The following KCNIP4 variants were observed in gnomAD, a reference collection of about 807,000 sequenced individuals.
KCNIP4 encodes the protein potassium voltage-gated channel interacting protein 4, also known as Kv channel-interacting protein 4.
In KCNIP4, 12 loss-of-function variants were observed where a neutral mutation model predicts 34.0. The observed-to-expected ratio is 0.35, with a 90% CI of 0.23 to 0.57. The LOEUF is 0.57. KCNIP4 is among the 20% of genes least tolerant of loss of function. The probability of loss-of-function intolerance (pLI) is 0.83; values close to 1 mark genes in which losing one functional copy is unlikely to be tolerated. For missense variants in KCNIP4, 238 were observed against 311.7 expected (o/e 0.76, Z 1.78); for synonymous variants, 124 against 102.2 (o/e 1.21, Z -1.29).
chr4:21,287,059 C>T (rs979764874), intron 1 of KCNIP4, among the ~76,000 whole-genome samples: 1 of 152,040 alleles, frequency 6.6e-6, no homozygotes, highest in Non-Finnish European at 1.5e-5. Context: ...GACAATGTGT[C>T]CAAAATTTTA....
chr4:21,510,826 G>A (rs761003117), intron 1 of KCNIP4, among the ~76,000 whole-genome samples: 10 of 151,640 alleles, frequency 6.6e-5, no homozygotes, highest in East Asian at 3.9e-4. Context: ...AAACCAGCCC[G>A]GCCAACATGA....
At chr4:21,889,688 G>C (rs11722015) in intron 1 of KCNIP4, among the ~76,000 whole-genome samples, 64,631 of 151,946 alleles carry the variant, frequency 0.43, 15,852 homozygotes, top group East Asian at 0.62. Flanking sequence ...AGGTTTTCGA[G>C]TAGGAAAAAA....
intron 1 of KCNIP4, among the ~76,000 whole-genome samples, chr4:21,755,797 C>A (rs1275046412): frequency 2.0e-5 from 3 of 151,694 alleles, no homozygotes; most frequent in African/African-American, 7.3e-5. Context: ...ATATTGTTTT[C>A]AAAAAAAAGT....
intron 2 of KCNIP4, among the ~76,000 whole-genome samples, chr4:20,863,223 G>C (rs1722398515): frequency 6.6e-6 from 1 of 152,086 alleles, no homozygotes; most frequent in Non-Finnish European, 1.5e-5. Context: ...GTGAGTAGGG[G>C]CTCAGGAGGT....
At chr4:21,232,686 A>C (rs570172855) in intron 1 of KCNIP4, among the ~76,000 whole-genome samples, 11 of 152,326 alleles carry the variant, frequency 7.2e-5, no homozygotes, top group Non-Finnish European at 1.2e-4. Context: ...TTCACTCAGA[A>C]GCATTCTTAG....
At chr4:20,930,468 TCA>T (rs1201937987) in intron 1 of KCNIP4, among the ~76,000 whole-genome samples, 2 of 152,010 alleles carry the variant, frequency 1.3e-5, no homozygotes, top group Admixed American at 1.3e-4. Flanking sequence ...TTTTTGGATA[TCA>T]CACCAAAAGC....
chr4:21,190,355 T>C lies in KCNIP4; in HGVS notation c.62-307646A>G, dbSNP rs1253782477. Among the ~76,000 whole-genome samples the C allele has an allele frequency of 3.9e-5, 6 of 152,276 alleles. No homozygotes were observed. The East Asian group carries it at 5.8e-4, about 15-fold the overall frequency. On this transcript the variant is annotated intron_variant, in intron 1 of 8. Transcript: ENST00000382152. Reference sequence around the variant, plus strand: ...GTTGGTATTGGTTAGTATTCATTAGTATTGGTTCGTTGGTATTTGGTTCAG... The same window carrying C: ...GTTGGTATTGGTTAGTATTCATTAGCATTGGTTCGTTGGTATTTGGTTCAG...
chr4:21,098,540 T>C (rs905969705), intron 1 of KCNIP4, among the ~76,000 whole-genome samples: 3 of 152,126 alleles, frequency 2.0e-5, no homozygotes, highest in African/African-American at 7.2e-5. Flanking sequence ...CTGTTTCCCA[T>C]AGGTGCAACA....
At chr4:21,444,599 T>C (rs1158292030) in intron 1 of KCNIP4, among the ~76,000 whole-genome samples, 4 of 152,184 alleles carry the variant, frequency 2.6e-5, no homozygotes, top group Admixed American at 1.3e-4. Context: ...AAACTCTCAA[T>C]AAATTAGGTA....
At chr4:21,528,776 AAAGGAAGAAAGG>A (rs1736346285) in intron 1 of KCNIP4, among the ~76,000 whole-genome samples, 14 of 13,892 alleles carry the variant, frequency 1.0e-3, no homozygotes, top group African/African-American at 3.3e-3. Context: ...AGAAAGAAAG[AAAGGAAGAAAGG>A]AAGAAAGGAA....
chr4:21,065,337 A>G (rs1744257123), intron 1 of KCNIP4, among the ~76,000 whole-genome samples: 2 of 152,132 alleles, frequency 1.3e-5, no homozygotes, highest in South Asian at 4.1e-4. Context: ...GAAAGCAACA[A>G]TTTGAGAACC....
intron 1 of KCNIP4, among the ~76,000 whole-genome samples, chr4:21,360,637 T>G (rs1417583682): frequency 6.6e-6 from 1 of 152,060 alleles, no homozygotes; most frequent in African/African-American, 2.4e-5. Flanking sequence ...ATGTACCTTA[T>G]CATATTCTTC....
At chr4:21,203,853 T>C (rs1756661929) in intron 1 of KCNIP4, among the ~76,000 whole-genome samples, 1 of 152,224 alleles carries the variant, frequency 6.6e-6, no homozygotes. Flanking sequence ...CATTTGCTGA[T>C]TAAATACATC....
chr4:21,333,630 A>G (rs1365653953), intron 1 of KCNIP4, among the ~76,000 whole-genome samples: 5 of 152,034 alleles, frequency 3.3e-5, no homozygotes, highest in Non-Finnish European at 7.4e-5. Flanking sequence ...AATTTAATTT[A>G]AATATAGTTT....
intron 1 of KCNIP4, among the ~76,000 whole-genome samples, chr4:21,786,424 G>T (rs1480523641): frequency 1.3e-5 from 2 of 152,200 alleles, no homozygotes; most frequent in Admixed American, 6.5e-5. Flanking sequence ...GTTATAATCT[G>T]ATCAGTCATT....
intron 1 of KCNIP4, among the ~76,000 whole-genome samples, chr4:21,346,192 TAG>T (rs375879473): frequency 7.9e-4 from 4 of 5,090 alleles, no homozygotes; most frequent in Non-Finnish European, 1.4e-3. Context: ...ATTATATATA[TAG>T]AATTATATAT....
intron 3 of KCNIP4, among the ~76,000 whole-genome samples, chr4:20,792,735 A>G (rs1047074356): frequency 1.5e-4 from 23 of 152,206 alleles, no homozygotes; most frequent in African/African-American, 5.5e-4. Context: ...TTATAGATCT[A>G]ATAATATAGA....
chr4:21,189,452 AT>A (rs796993936), intron 1 of KCNIP4, among the ~76,000 whole-genome samples: 16 of 152,322 alleles, frequency 1.1e-4, no homozygotes, highest in South Asian at 6.2e-4. Context: ...ATCAGTTAAT[AT>A]TTTGAGAGAT....
At chr4:21,318,869 G>T (rs1714075706) in intron 1 of KCNIP4, among the ~76,000 whole-genome samples, 1 of 151,922 alleles carries the variant, frequency 6.6e-6, no homozygotes, top group Admixed American at 6.6e-5. Flanking sequence ...CTTTCAATGA[G>T]AAATTATTTG....
Sources: gnomAD v4.1 joint callset for allele counts (sites outside exome capture counted in the v4.1 genomes callset) on GRCh38, gnomAD v4.1.1 for gene constraint, MANE v1.5 for transcripts, NCBI Gene and HGNC (gene_info 2026-07-23, HGNC 2026-07-21) for gene names.